The following SORCS2 variants were observed in gnomAD, a reference collection of about 807,000 sequenced individuals.
The protein encoded by SORCS2 is VPS10 domain-containing receptor SorCS2.
Under a neutral mutation model 141.6 loss-of-function variants are expected in SORCS2, and 100 were observed. That is an observed-to-expected ratio of 0.71 (90% CI 0.60 to 0.83). SORCS2 has a LOEUF of 0.83. SORCS2 is among the 40% of genes least tolerant of loss of function. The probability of loss-of-function intolerance (pLI) is 0.00; values close to 1 mark genes in which losing one functional copy is unlikely to be tolerated. For missense variants in SORCS2, 1,646 were observed against 1,560.2 expected, an observed-to-expected ratio of 1.05 and a Z score of -0.93; for synonymous variants, 789 against 676.9, an observed-to-expected ratio of 1.17 and a Z score of -2.57.
intron 1 of SORCS2, among the ~76,000 whole-genome samples, chr4:7,355,299 C>T (rs534077332): frequency 1.3e-4 from 20 of 152,238 alleles, no homozygotes; most frequent in South Asian, 1.2e-3. Flanking sequence ...CATCCCACCC[C>T]GCCCCACCAT....
chr4:7,589,880 C>G (rs1381989432), intron 3 of SORCS2, among the ~76,000 whole-genome samples: 2 of 152,230 alleles, frequency 1.3e-5, no homozygotes, highest in South Asian at 4.1e-4. Context: ...ACACCTGGAT[C>G]TGTCATATCT....
chr4:7,723,609 G>A, intron 18 of SORCS2, 88 bp from the exon 19 acceptor site: 1 of 1,366,744 alleles, frequency 7.3e-7, no homozygotes, highest in East Asian at 2.3e-5. Context: ...ATGAATGAAT[G>A]AGTGAGTGAG....
At chr4:7,667,408 T>A (rs1722566765) in intron 8 of SORCS2, among the ~76,000 whole-genome samples, 195 bp downstream of exon 8, 1 of 152,226 alleles carries the variant, frequency 6.6e-6, no homozygotes, top group Admixed American at 6.5e-5. Flanking sequence ...CAGACTCAGC[T>A]GTGCCCAGCT....
intron 3 of SORCS2, among the ~76,000 whole-genome samples, chr4:7,559,178 G>A (rs1467041259): frequency 6.6e-6 from 1 of 152,178 alleles, no homozygotes; most frequent in Non-Finnish European, 1.5e-5. Context: ...CCTGGCCTCT[G>A]AGCAGCTACG....
At chr4:7,533,619 G>T (rs1560363332) in intron 3 of SORCS2, among the ~76,000 whole-genome samples, 1 of 152,226 alleles carries the variant, frequency 6.6e-6, no homozygotes, top group African/African-American at 2.4e-5. Context: ...GGTCAGCCCT[G>T]CAGGCCACGT....
chr4:7,280,453 C>T (rs78238904), intron 1 of SORCS2, among the ~76,000 whole-genome samples: 2,608 of 152,254 alleles, frequency 0.017, 80 homozygotes, highest in African/African-American at 0.06. Context: ...TTATTTAAAC[C>T]ATGGCAGGGT....
At chr4:7,281,911 A>G (rs894436467) in intron 1 of SORCS2, among the ~76,000 whole-genome samples, 1 of 152,140 alleles carries the variant, frequency 6.6e-6, no homozygotes, top group African/African-American at 2.4e-5. Context: ...GACTCGTGAC[A>G]TGGTGGCCAT....
chr4:7,415,382 G>C (rs552596747), intron 2 of SORCS2, among the ~76,000 whole-genome samples: 1 of 152,310 alleles, frequency 6.6e-6, no homozygotes, highest in Admixed American at 6.5e-5. Context: ...GAGGCTGCCT[G>C]CCATCCGTGG....
intron 18 of SORCS2, 76 bp downstream of exon 18, chr4:7,718,259 G>A: frequency 6.6e-7 from 1 of 1,520,160 alleles, no homozygotes; most frequent in Non-Finnish European, 8.8e-7. Flanking sequence ...AGAAGGCACG[G>A]TGAGGGTGTC....
intron 3 of SORCS2, among the ~76,000 whole-genome samples, chr4:7,587,852 G>T (rs905894737): frequency 6.6e-6 from 1 of 152,206 alleles, no homozygotes; most frequent in African/African-American, 2.4e-5. Flanking sequence ...CGTTAGGCCG[G>T]CCCATCCAGG....
intron 4 of SORCS2, among the ~76,000 whole-genome samples, chr4:7,640,461 AGC>A (rs1044300660): frequency 1.1e-4 from 9 of 83,670 alleles, no homozygotes; most frequent in South Asian, 4.7e-4. Context: ...GGTGTGTATG[AGC>A]GTGTGTGTGT....
chr4:7,411,209 C>G lies in SORCS2; in HGVS notation c.548+14854C>G, dbSNP rs188337585. Among the ~76,000 whole-genome samples the G allele has an allele frequency of 6.2e-3, 949 of 152,108 alleles. 12 individuals are homozygous for G. Among genetic ancestry groups the G allele is most frequent in the African/African-American group, 0.022 (907 of 41,468 alleles). ...GAACTCGTGATCCACCCACCTTGGCCTCCCAAAGTGCTGGGATTGCAGGCA... is the reference window on the plus strand; with the variant it reads ...GAACTCGTGATCCACCCACCTTGGCGTCCCAAAGTGCTGGGATTGCAGGCA... On this transcript the variant is annotated intron_variant, in intron 2 of 26. Coordinates refer to ENST00000507866, the MANE Select transcript of SORCS2 (RefSeq NM_020777.3).
At chr4:7,399,412 A>G (rs10001291) in intron 2 of SORCS2, among the ~76,000 whole-genome samples, 22,400 of 152,198 alleles carry the variant, frequency 0.15, 1,798 homozygotes, top group Non-Finnish European at 0.18. Flanking sequence ...TTTAATGACA[A>G]GTATGGTCTT....
Position 7,433,419 on chromosome 4 carries a change from G to C in SORCS2, c.548+37064G>C, listed in dbSNP as rs757029999. Reference sequence around the variant, plus strand: ...CGGCCTCCTGGCTCCTGCACCAGAAGCTTGGGCCCAGGGCACACTGGTCGG... The same window carrying C: ...CGGCCTCCTGGCTCCTGCACCAGAACCTTGGGCCCAGGGCACACTGGTCGG... On this transcript the variant is annotated intron_variant, in intron 2 of 26. Transcript: ENST00000507866. 3.3e-6 allele frequency: 5 copies of C among 1,512,906 alleles called. No individual in the cohort carries two copies. In the South Asian group the frequency reaches 6.7e-5, roughly 20 times the overall value. 93.7% of individuals were successfully genotyped at this position (1,512,906 alleles called of 1,614,324 possible). A position where few individuals can be genotyped will look rare whatever the true frequency, so the allele number is the denominator to read the frequency against.
chr4:7,423,757 C>T (rs553476509), intron 2 of SORCS2, among the ~76,000 whole-genome samples: 1 of 152,312 alleles, frequency 6.6e-6, no homozygotes, highest in African/African-American at 2.4e-5. Context: ...CTTTCTTCAG[C>T]TTGTTTCTTT....
rs530539086 is a variant in SORCS2, at chr4:7,738,941, G to A, written c.3416-1259G>A. On this transcript the variant is annotated intron_variant, in intron 26 of 26. Transcript: ENST00000507866. ...GTGGGGGTCCCTTGTCTCCAGCATC[G>A]CCAGCCCAGGTGTGTTCCTCATGGC... 5.3e-5 allele frequency among the ~76,000 whole-genome samples: 8 copies of A among 152,138 alleles called. No individual in the cohort carries two copies. In the South Asian group the frequency reaches 8.3e-4, roughly 16 times the overall value.
At chr4:7,733,526 C>T in intron 24 of SORCS2, 105 bp downstream of exon 24, 1 of 918,226 alleles carries the variant, frequency 1.1e-6, no homozygotes, top group Non-Finnish European at 1.6e-6. Flanking sequence ...GTATCCCCCT[C>T]CTGGTGGGTG....
intron 1 of SORCS2, among the ~76,000 whole-genome samples, chr4:7,246,062 G>A (rs1049690353): frequency 3.9e-5 from 6 of 152,188 alleles, no homozygotes; most frequent in African/African-American, 1.4e-4. Flanking sequence ...GGGTATCTGG[G>A]AATTCCCTGA....
chr4:7,490,371 C>A (rs1227579977), intron 2 of SORCS2, among the ~76,000 whole-genome samples: 2 of 152,132 alleles, frequency 1.3e-5, no homozygotes, highest in African/African-American at 4.8e-5. Context: ...CTGTCAAGGG[C>A]AGCCTTCCTT....
Sources: gnomAD v4.1 joint callset for allele counts (sites outside exome capture counted in the v4.1 genomes callset) on GRCh38, gnomAD v4.1.1 for gene constraint, MANE v1.5 for transcripts, NCBI Gene and HGNC (gene_info 2026-07-23, HGNC 2026-07-21) for gene names.